The following PIK3C2G variants were observed in gnomAD, a reference collection of about 807,000 sequenced individuals.
The protein encoded by PIK3C2G is phosphatidylinositol 3-kinase C2 domain-containing subunit gamma.
In PIK3C2G, 168 loss-of-function variants were observed where a neutral mutation model predicts 181.1. The observed-to-expected ratio is 0.93, with a 90% confidence interval of 0.82 to 1.05. The LOEUF (loss-of-function observed/expected upper bound fraction) is 1.05, where lower values mean the gene tolerates loss of function less well. Ranked by LOEUF, PIK3C2G falls within the 50% of genes least tolerant of loss-of-function variation. PIK3C2G has a pLI of 0.00. For synonymous variants in PIK3C2G, 573 were observed against 592.2 expected (o/e 0.97, Z 0.47); for missense variants, 1,869 against 1,732.8 (o/e 1.08, Z -1.40).
chr12:18,513,405 G>A lies in PIK3C2G; in HGVS notation c.3323+7944G>A, dbSNP rs756639370. On this transcript the variant is annotated intron_variant, in intron 24 of 32. Coordinates refer to ENST00000538779, the MANE Select transcript of PIK3C2G (RefSeq NM_001288772.2). ...TTTTTTTATGTTTGATAGAATTCAG[G>A]AGTAAAGCTGTCCAGTTGTGGGCTT... Among the ~76,000 whole-genome samples, 8 of 151,638 alleles carry A rather than the reference G, an allele frequency of 5.3e-5. No homozygotes were observed. In the South Asian group the frequency reaches 1.7e-3, roughly 31 times the overall value.
rs527901142 is a variant in PIK3C2G, at chr12:18,451,068, T to C, written c.2504+27029T>C. 1.6e-3 allele frequency among the ~76,000 whole-genome samples: 237 copies of C among 152,334 alleles called. 1 individual carries two copies. The highest frequency in any genetic ancestry group is 5.5e-3 in the African/African-American group (228 of 41,580). ...TTGTCTTGGTTATGCAGGCTCCTTT[T>C]TGGTTCCATATGAAATTTAAAATAG... On this transcript the variant is annotated intron_variant, in intron 18 of 32. Coordinates refer to ENST00000538779, the MANE Select transcript of PIK3C2G (RefSeq NM_001288772.2).
intron 25 of PIK3C2G, among the ~76,000 whole-genome samples, chr12:18,540,780 T>G (rs1944110465): frequency 6.6e-6 from 1 of 151,906 alleles, no homozygotes; most frequent in African/African-American, 2.4e-5. Context: ...ATCTTAGATT[T>G]AGGCTCTCAC....
the PIK3C2G span, among the ~76,000 whole-genome samples, chr12:18,723,705 G>A: frequency 3.3e-5 from 5 of 152,194 alleles, no homozygotes; most frequent in East Asian, 3.9e-4. Context: ...ATGGAGTGAC[G>A]TCAAAATTGG....
chr12:18,304,996 T>TA lies in PIK3C2G; in HGVS notation c.1035-8960dup, dbSNP rs1174329227. On this transcript the variant is annotated intron_variant, in intron 5 of 32. Transcript: ENST00000538779. ...TAACTTTGAGCTATCTCACACACAG[T>TA]AAAAAAGTGTGTTCTGTTAATAAAT... Among the ~76,000 whole-genome samples the TA allele has an allele frequency of 2.0e-5, 3 of 152,336 alleles. No homozygotes were observed. The East Asian group carries it at 5.8e-4, about 29-fold the overall frequency.
At chr12:18,517,392 T>C (rs1369042700) in intron 24 of PIK3C2G, among the ~76,000 whole-genome samples, 5 of 152,202 alleles carry the variant, frequency 3.3e-5, no homozygotes, top group Non-Finnish European at 7.3e-5. Flanking sequence ...TTTGTTTGCG[T>C]CTTCTTTTAT....
At chr12:18,512,621 G>A (rs569066285) in intron 24 of PIK3C2G, among the ~76,000 whole-genome samples, 76 of 151,892 alleles carry the variant, frequency 5.0e-4, no homozygotes, top group African/African-American at 1.8e-3. Flanking sequence ...ATATAGAAAT[G>A]CTACTGATTT....
chr12:18,592,394 A>T (rs148771569), intron 29 of PIK3C2G, among the ~76,000 whole-genome samples: 574 of 151,970 alleles, frequency 3.8e-3, no homozygotes, highest in Middle Eastern at 0.01. Flanking sequence ...CAAAGACAAG[A>T]CAGAATTCAC....
At chr12:18,513,789 A>G (rs918986651) in intron 24 of PIK3C2G, among the ~76,000 whole-genome samples, 4 of 151,722 alleles carry the variant, frequency 2.6e-5, no homozygotes, top group African/African-American at 9.7e-5. Flanking sequence ...TATTTTGTTT[A>G]TCTTTTCAAA....
At chr12:18,589,580 G>T (rs68030477) in intron 29 of PIK3C2G, among the ~76,000 whole-genome samples, 1 of 151,642 alleles carries the variant, frequency 6.6e-6, no homozygotes, top group Non-Finnish European at 1.5e-5. Context: ...ATGAAGGAAG[G>T]AAAAATAGAG....
chr12:18,427,339 T>C (rs1945875864), intron 18 of PIK3C2G, among the ~76,000 whole-genome samples: 2 of 151,092 alleles, frequency 1.3e-5, no homozygotes. Context: ...AACCCCCATT[T>C]CTACTAAAAA....
At chr12:18,485,560 G>C (rs950211733) in intron 18 of PIK3C2G, among the ~76,000 whole-genome samples, 1 of 151,996 alleles carries the variant, frequency 6.6e-6, no homozygotes, top group African/African-American at 2.4e-5. Flanking sequence ...TCATTTTAAT[G>C]TTGTCATAAC....
chr12:18,388,372 G>A (rs903669878), intron 14 of PIK3C2G, among the ~76,000 whole-genome samples: 1 of 152,258 alleles, frequency 6.6e-6, no homozygotes, highest in Non-Finnish European at 1.5e-5. Flanking sequence ...CATGGTTCAA[G>A]CGATTCTCTC....
chr12:18,707,826 T>A, the PIK3C2G span, among the ~76,000 whole-genome samples: 8 of 152,164 alleles, frequency 5.3e-5, no homozygotes, highest in Non-Finnish European at 1.0e-4. Context: ...TCTCCACTGC[T>A]CAAAGCCTTG....
chr12:18,650,761 T>G (rs1045270316), downstream of PIK3C2G, among the ~76,000 whole-genome samples: 1 of 109,014 alleles, frequency 9.2e-6, no homozygotes, highest in African/African-American at 3.3e-5. Context: ...TATATATATA[T>G]ATATTCCAGT....
intron 12 of PIK3C2G, among the ~76,000 whole-genome samples, chr12:18,370,056 T>G (rs975486534): frequency 4.6e-5 from 7 of 151,676 alleles, no homozygotes; most frequent in African/African-American, 1.7e-4. Context: ...GATCGTATAA[T>G]TGACATATGA....
chr12:18,342,923 C>G (rs1939276333), intron 9 of PIK3C2G, among the ~76,000 whole-genome samples: 1 of 151,836 alleles, frequency 6.6e-6, no homozygotes, highest in African/African-American at 2.4e-5. Context: ...CTGATTTTGT[C>G]CACTTCAATT....
At chr12:18,563,788 T>C (rs1045687308) in intron 28 of PIK3C2G, among the ~76,000 whole-genome samples, 4 of 152,258 alleles carry the variant, frequency 2.6e-5, no homozygotes, top group African/African-American at 9.6e-5. Context: ...ATAGTCTCAT[T>C]TGCCTGTTTT....
At chr12:18,433,561 G>A (rs1736443328) in intron 18 of PIK3C2G, among the ~76,000 whole-genome samples, 1 of 152,048 alleles carries the variant, frequency 6.6e-6, no homozygotes, top group Non-Finnish European at 1.5e-5. Flanking sequence ...AACATTAAGT[G>A]TGCTCTTTTA....
chr12:18,606,369 T>C (rs574168854), intron 30 of PIK3C2G, among the ~76,000 whole-genome samples: 18 of 152,170 alleles, frequency 1.2e-4, no homozygotes, highest in Non-Finnish European at 2.2e-4. Flanking sequence ...GTCATCAGCA[T>C]TTTTAGCACC....
Sources: gnomAD v4.1 joint callset for allele counts (sites outside exome capture counted in the v4.1 genomes callset) on GRCh38, gnomAD v4.1.1 for gene constraint, MANE v1.5 for transcripts, NCBI Gene and HGNC (gene_info 2026-07-23, HGNC 2026-07-21) for gene names.